GALNT17: variants seen among roughly 807,000 people sequenced by gnomAD.
The protein encoded by GALNT17 is UDP-GalNAc:polypeptide N-acetylgalactosaminyltransferase-like 3.
Under a neutral mutation model 63.7 loss-of-function variants are expected in GALNT17, and 29 were observed. That is an observed-to-expected ratio of 0.46 (90% CI 0.34 to 0.62). The LOEUF (loss-of-function observed/expected upper bound fraction) is 0.62, where lower values mean the gene tolerates loss of function less well. Among genes scored for constraint, GALNT17 ranks in the 20% least tolerant of loss-of-function variants. The pLI, the probability that GALNT17 is intolerant of heterozygous loss-of-function variation, is 0.01. For synonymous variants in GALNT17, 305 were observed against 318.3 expected, an observed-to-expected ratio of 0.96 and a Z score of 0.45; for missense variants, 603 against 799.6, an observed-to-expected ratio of 0.75 and a Z score of 2.97.
At chr7:71,663,821 G>A (rs146084723) in intron 6 of GALNT17, among the ~76,000 whole-genome samples, 1 of 152,232 alleles carries the variant, frequency 6.6e-6, no homozygotes, top group East Asian at 1.9e-4. Context: ...GGTGGTTACT[G>A]GGAGACTAAA....
intron 1 of GALNT17, among the ~76,000 whole-genome samples, chr7:71,273,729 A>G (rs1388927541): frequency 1.3e-5 from 2 of 152,240 alleles, no homozygotes; most frequent in African/African-American, 2.4e-5. Flanking sequence ...AGAGAGTGAG[A>G]TAAAGAGACT....
At chr7:71,168,745 C>T (rs1191671941) in intron 1 of GALNT17, among the ~76,000 whole-genome samples, 1 of 142,022 alleles carries the variant, frequency 7.0e-6, no homozygotes, top group Non-Finnish European at 1.5e-5. Flanking sequence ...GGTAAGAGCA[C>T]CTAAAATCTA....
intron 5 of GALNT17, among the ~76,000 whole-genome samples, chr7:71,421,541 G>T (rs993894567): frequency 2.6e-5 from 4 of 152,166 alleles, no homozygotes; most frequent in Admixed American, 1.3e-4. Context: ...GCATTCTGAG[G>T]AACTGGAGGG....
intron 5 of GALNT17, among the ~76,000 whole-genome samples, chr7:71,502,511 C>T (rs1158172591): frequency 6.6e-6 from 1 of 152,200 alleles, no homozygotes; most frequent in Non-Finnish European, 1.5e-5. Flanking sequence ...GTATGTCTCT[C>T]TCTCCCTCCA....
intron 2 of GALNT17, among the ~76,000 whole-genome samples, chr7:71,344,040 C>A (rs1792049843): frequency 2.0e-5 from 3 of 151,922 alleles, no homozygotes; most frequent in Non-Finnish European, 4.4e-5. Flanking sequence ...GGCATCTTGG[C>A]CCCAGAGGAC....
intron 5 of GALNT17, among the ~76,000 whole-genome samples, chr7:71,449,168 A>C (rs1345316321): frequency 8.7e-6 from 1 of 114,500 alleles, no homozygotes. Flanking sequence ...GCTGGAGTGC[A>C]GTGGCGCGAT....
intron 5 of GALNT17, 68 bp downstream of exon 5, chr7:71,421,173 A>T: frequency 6.4e-7 from 1 of 1,560,046 alleles, no homozygotes; most frequent in Non-Finnish European, 8.7e-7. Flanking sequence ...AGCTACTGAG[A>T]GAGGCCAGGA....
In GALNT17 at chr7:71,224,194, T is replaced by C. The variant is rs148400815; in HGVS notation, c.238+91154T>C. 1.4e-3 allele frequency among the ~76,000 whole-genome samples: 219 copies of C among 152,198 alleles called. 1 individual carries two copies. The highest frequency in any genetic ancestry group is 2.5e-3 in the Non-Finnish European group (171 of 67,996). ...CTTAGCTTCCTGAGTAGGGTAGTCA[T>C]ATGCCACCATGCCTGGCTAACTTTG... On this transcript the variant is annotated intron_variant, in intron 1 of 10. Transcript: ENST00000333538.
intron 1 of GALNT17, among the ~76,000 whole-genome samples, chr7:71,286,798 G>GTTTT (rs200429184): frequency 2.0e-5 from 3 of 149,804 alleles, no homozygotes; most frequent in Non-Finnish European, 3.0e-5. Context: ...TTGTTTGTTT[G>GTTTT]TTTTTTTGAG....
chr7:71,671,870 A>G (rs1791074396), intron 8 of GALNT17, among the ~76,000 whole-genome samples: 1 of 152,038 alleles, frequency 6.6e-6, no homozygotes, highest in African/African-American at 2.4e-5. Flanking sequence ...ATAGATATAT[A>G]TATTAAAAAA....
intron 2 of GALNT17, among the ~76,000 whole-genome samples, chr7:71,350,144 T>C (rs1325767364): frequency 6.6e-6 from 1 of 152,172 alleles, no homozygotes; most frequent in Non-Finnish European, 1.5e-5. Flanking sequence ...TAAATAAAAA[T>C]AAAGAAAGGA....
intron 1 of GALNT17, among the ~76,000 whole-genome samples, chr7:71,222,890 G>A (rs1789613106): frequency 1.3e-5 from 2 of 152,090 alleles, no homozygotes; most frequent in African/African-American, 2.4e-5. Flanking sequence ...GGACAACATA[G>A]CCAGACCCTT....
intron 2 of GALNT17, among the ~76,000 whole-genome samples, chr7:71,378,749 G>A (rs1034978320): frequency 2.6e-5 from 4 of 151,920 alleles, no homozygotes; most frequent in African/African-American, 9.7e-5. Context: ...TTTGGAAGGT[G>A]TACGAGGAAG....
At chr7:71,255,155 C>T (rs1583802793) in intron 1 of GALNT17, among the ~76,000 whole-genome samples, 1 of 152,192 alleles carries the variant, frequency 6.6e-6, no homozygotes, top group South Asian at 2.1e-4. Context: ...GGGTTTGGCT[C>T]TGTCCCCACC....
chr7:71,529,563 C>T (rs1261300498), intron 5 of GALNT17, among the ~76,000 whole-genome samples: 2 of 152,200 alleles, frequency 1.3e-5, no homozygotes, highest in Non-Finnish European at 2.9e-5. Context: ...CCCACGTAGC[C>T]GTCCAGGTAA....
At chr7:71,553,768 C>CA (rs1422906726) in intron 5 of GALNT17, among the ~76,000 whole-genome samples, 2 of 152,204 alleles carry the variant, frequency 1.3e-5, no homozygotes, top group African/African-American at 4.8e-5. Flanking sequence ...CAAGGTAACT[C>CA]AGTTTCTTCC....
chr7:71,341,191 A>G (rs912812439), intron 2 of GALNT17, among the ~76,000 whole-genome samples: 3 of 152,238 alleles, frequency 2.0e-5, no homozygotes, highest in African/African-American at 7.2e-5. Context: ...CTCTTATAAA[A>G]CAAAAATTAA....
At chr7:71,430,540 G>T (rs1786842981) in intron 5 of GALNT17, among the ~76,000 whole-genome samples, 1 of 152,168 alleles carries the variant, frequency 6.6e-6, no homozygotes, top group Non-Finnish European at 1.5e-5. Flanking sequence ...GGTGACAGTG[G>T]TTCCTCCCTG....
At chr7:71,570,059 G>T (rs1789413203) in intron 5 of GALNT17, among the ~76,000 whole-genome samples, 1 of 150,440 alleles carries the variant, frequency 6.6e-6, no homozygotes. Flanking sequence ...TTGTTTTTTT[G>T]GTTGTTTTTT....
Sources: allele counts gnomAD v4.1 joint callset (sites outside exome capture counted in the v4.1 genomes callset), GRCh38; gene constraint gnomAD v4.1.1; transcripts MANE v1.5; gene names NCBI Gene and HGNC (gene_info 2026-07-23, HGNC 2026-07-21).